Variants in PTBP3 observed in about 807,000 individuals in gnomAD.
The protein encoded by PTBP3 is polypyrimidine tract-binding protein 3.
Under a neutral mutation model 58.7 loss-of-function variants are expected in PTBP3, and 20 were observed. The observed-to-expected ratio is 0.34, with a 90% CI of 0.24 to 0.50. PTBP3 has a LOEUF of 0.50. PTBP3 is among the 20% of genes least tolerant of loss of function. The probability of loss-of-function intolerance (pLI) is 0.98; values close to 1 mark genes in which losing one functional copy is unlikely to be tolerated. For missense variants in PTBP3, 509 were observed against 637.2 expected (o/e 0.80, Z 2.17); for synonymous variants, 185 against 219.8 (o/e 0.84, Z 1.40).
chr9:112,371,601 G>GCTTC, the PTBP3 span, among the ~76,000 whole-genome samples: 1 of 148,904 alleles, frequency 6.7e-6, no homozygotes, highest in African/African-American at 2.5e-5. Flanking sequence ...GATCGGTTCT[G>GCTTC]CTTCCAAAAT....
At chr9:112,236,234 GCA>G (rs1222533313) in intron 7 of PTBP3, among the ~76,000 whole-genome samples, 1 of 152,004 alleles carries the variant, frequency 6.6e-6, no homozygotes, top group African/African-American at 2.4e-5. Flanking sequence ...GATAGAATTA[GCA>G]CAGAGAATTG....
At chr9:112,356,709 G>A in the PTBP3 span, among the ~76,000 whole-genome samples, 1 of 151,958 alleles carries the variant, frequency 6.6e-6, no homozygotes, top group African/African-American at 2.4e-5. Context: ...TCCAAGTTGA[G>A]GAAAACCCAC....
chr9:112,297,730 G>T, intron 2 of PTBP3, 102 bp downstream of exon 2: 3 of 938,798 alleles, frequency 3.2e-6, no homozygotes, highest in Non-Finnish European at 4.7e-6. Context: ...CTTTTGTTAT[G>T]AACAGTGGCA....
chr9:112,315,678 T>C (rs1219679323), intron 1 of PTBP3, among the ~76,000 whole-genome samples: 3 of 152,212 alleles, frequency 2.0e-5, no homozygotes, highest in South Asian at 2.1e-4. Context: ...TAATTCATAA[T>C]TTAAAACCTT....
At chr9:112,374,083 A>C in the PTBP3 span, among the ~76,000 whole-genome samples, 1 of 152,040 alleles carries the variant, frequency 6.6e-6, no homozygotes, top group African/African-American at 2.4e-5. Context: ...ATCGACCTTA[A>C]CCACGGGGTA....
intron 3 of PTBP3, among the ~76,000 whole-genome samples, chr9:112,274,109 G>A (rs1462097661): frequency 6.6e-6 from 1 of 152,108 alleles, no homozygotes; most frequent in Non-Finnish European, 1.5e-5. Context: ...AGGGATGCAC[G>A]GTCTCCAAAG....
At chr9:112,264,353 T>A (rs569242885) in intron 4 of PTBP3, among the ~76,000 whole-genome samples, 4 of 152,272 alleles carry the variant, frequency 2.6e-5, no homozygotes, top group African/African-American at 9.6e-5. Flanking sequence ...AAAAGCTGCA[T>A]ACAATAATGA....
chr9:112,307,451 C>G (rs1829269004), intron 1 of PTBP3, among the ~76,000 whole-genome samples: 1 of 151,426 alleles, frequency 6.6e-6, no homozygotes, highest in Non-Finnish European at 1.5e-5. Context: ...GACCCTGTCC[C>G]AAAATAAAAA....
intron 2 of PTBP3, among the ~76,000 whole-genome samples, chr9:112,289,873 T>C (rs1030281510): frequency 7.2e-5 from 11 of 152,240 alleles, no homozygotes; most frequent in Admixed American, 5.9e-4. Flanking sequence ...ACCCATATCA[T>C]TTTTATTTGT....
intron 1 of PTBP3, among the ~76,000 whole-genome samples, chr9:112,311,662 T>G (rs1318564218): frequency 6.6e-6 from 1 of 152,142 alleles, no homozygotes; most frequent in Non-Finnish European, 1.5e-5. Flanking sequence ...TGAAACAGAT[T>G]TGCTAGCCAG....
At position 112,220,660 on chromosome 9, in the gene PTBP3, T is replaced by G. The variant is rs1314185209; in HGVS notation, c.*3191A>C. 3 of 987,410 alleles carry G rather than the reference T, an allele frequency of 3.0e-6. No individual in the cohort carries two copies. The highest frequency in any genetic ancestry group is 3.6e-6 in the Non-Finnish European group (3 of 830,922). The allele number at this position is 987,410 out of a possible 1,614,324, so 61.2% of individuals were successfully genotyped here. On this transcript the variant is annotated 3_prime_UTR_variant, in exon 14 of 14. Coordinates refer to ENST00000374257, the MANE Select transcript of PTBP3 (RefSeq NM_001163788.4). ...GCTGGGTAATTCTGATACTCTCCAG[T>G]AAGTATCAATTAAGATACTGGGTCA... is the stretch of plus-strand genomic sequence containing the variant.
intron 1 of PTBP3, among the ~76,000 whole-genome samples, chr9:112,305,250 C>T (rs1241877960): frequency 7.3e-6 from 1 of 137,296 alleles, no homozygotes; most frequent in Admixed American, 8.5e-5. Context: ...AAATATCATG[C>T]CTGAAAGGAC....
intron 2 of PTBP3, among the ~76,000 whole-genome samples, chr9:112,277,655 G>A (rs1457780868): frequency 6.6e-6 from 1 of 151,794 alleles, no homozygotes. Context: ...TCAGGAGTTC[G>A]AGACCAGCCT....
At chr9:112,255,324 A>C (rs960626641) in intron 5 of PTBP3, among the ~76,000 whole-genome samples, 1 of 152,208 alleles carries the variant, frequency 6.6e-6, no homozygotes, top group Non-Finnish European at 1.5e-5. Context: ...GAATATACTT[A>C]ATGTCACTGA....
chr9:112,315,286 G>A (rs1829656560), intron 1 of PTBP3, among the ~76,000 whole-genome samples: 1 of 150,644 alleles, frequency 6.6e-6, no homozygotes, highest in African/African-American at 2.4e-5. Context: ...TCTGATCAAA[G>A]TAGTAAGCTT....
At chr9:112,264,648 G>A (rs147732392) in intron 4 of PTBP3, among the ~76,000 whole-genome samples, 17 of 152,314 alleles carry the variant, frequency 1.1e-4, no homozygotes, top group Middle Eastern at 3.4e-3. Context: ...CAAGTTGGAC[G>A]TTAGGTTTGA....
At chr9:112,224,892 A>G (rs1834923967) in intron 12 of PTBP3, among the ~76,000 whole-genome samples, 3 of 152,214 alleles carry the variant, frequency 2.0e-5, no homozygotes. Flanking sequence ...CCTTCGGTCA[A>G]CAAACAGGCA....
chr9:112,252,563 G>GTAAA lies in PTBP3; in HGVS notation c.627+111_627+114dup. 4.1e-6 allele frequency: 3 copies of GTAAA among 732,972 alleles called. No homozygotes were observed. The South Asian group carries it at 4.9e-5, about 12-fold the overall frequency. The allele number at this position is 732,972 out of a possible 1,614,324, so 45.4% of individuals were successfully genotyped here. A position where few individuals can be genotyped will look rare whatever the true frequency, so the allele number is the denominator to read the frequency against. ...CATACACTTTAAAACGACTAAAATG[G>GTAAA]TAAACATGTATATTTTGCCACAATT... On this transcript the variant is annotated intron_variant, in intron 6 of 13. Coordinates refer to ENST00000374257, the MANE Select transcript of PTBP3 (RefSeq NM_001163788.4).
chr9:112,246,370 A>G lies in PTBP3; in HGVS notation c.802+4559T>C, dbSNP rs117979757. Among the ~76,000 whole-genome samples, 1,088 of 152,262 alleles carry G rather than the reference A, an allele frequency of 7.1e-3. 9 individuals are homozygous for G. Among genetic ancestry groups the G allele is most frequent in the Non-Finnish European group, 0.013 (872 of 68,012 alleles). On this transcript the variant is annotated intron_variant, in intron 7 of 13. Coordinates refer to ENST00000374257, the MANE Select transcript of PTBP3 (RefSeq NM_001163788.4). ...CAAATTATCTCATGGAAACCATCAC[A>G]GTAACAAATAATTTTGGCAACAGAT...
Sources: gnomAD v4.1 joint callset for allele counts (sites outside exome capture counted in the v4.1 genomes callset) on GRCh38, gnomAD v4.1.1 for gene constraint, MANE v1.5 for transcripts, NCBI Gene and HGNC (gene_info 2026-07-23, HGNC 2026-07-21) for gene names.